SYNM: variants seen among roughly 807,000 people sequenced by gnomAD.
SYNM encodes the protein desmuslin.
In SYNM, 95 loss-of-function variants were observed where a neutral mutation model predicts 104.0. The ratio of observed to expected loss-of-function variants is 0.91; its 90% CI spans 0.77 to 1.08. The LOEUF (loss-of-function observed/expected upper bound fraction) is 1.08, where lower values mean the gene tolerates loss of function less well. Ranked by LOEUF, SYNM falls within the 50% of genes least tolerant of loss-of-function variation. The probability of loss-of-function intolerance (pLI) is 0.00; values close to 1 mark genes in which losing one functional copy is unlikely to be tolerated. For synonymous variants in SYNM, 918 were observed against 869.0 expected (o/e 1.06, Z -0.99); for missense variants, 2,150 against 2,052.2 (o/e 1.05, Z -0.92).
downstream of SYNM, chr15:99,139,031 G>A (rs559224052): frequency 1.6e-4 from 72 of 462,202 alleles, 1 homozygote; most frequent in Non-Finnish European, 2.2e-4. Flanking sequence ...AGGGATTCCC[G>A]GGGCCCTCCC....
chr15:99,115,228 C>T (rs8041213), intron 2 of SYNM, among the ~76,000 whole-genome samples: 64,877 of 151,784 alleles, frequency 0.43, 14,450 homozygotes, highest in Middle Eastern at 0.55. Context: ...CTGTGGAAAC[C>T]GCTTTGGCAG....
At chr15:99,110,268 T>A (rs2067289660) in intron 1 of SYNM, among the ~76,000 whole-genome samples, 1 of 152,242 alleles carries the variant, frequency 6.6e-6, no homozygotes, top group Non-Finnish European at 1.5e-5. Context: ...GCACACTAAA[T>A]GCTCAACGGC....
Position 99,105,157 on chromosome 15 carries a change from G to C in SYNM, c.-43G>C, listed in dbSNP as rs969921255. The C allele has an allele frequency of 6.4e-7, 1 of 1,552,436 alleles. No homozygotes were observed. Among genetic ancestry groups the C allele is most frequent in the African/African-American group, 1.4e-5 (1 of 73,368 alleles). On this transcript the variant is annotated 5_prime_UTR_variant, in exon 1 of 4. Coordinates refer to ENST00000336292, the MANE Select transcript of SYNM (RefSeq NM_145728.3). ...ACGAGACCGGGACAAGACCAGGGCA[G>C]GAGGGAGCCGGCCAGCCGCGAGAAC...
In SYNM at chr15:99,105,176, C is replaced by T. The variant is rs532969217; in HGVS notation, c.-24C>T. ...AGGGCAGGAGGGAGCCGGCCAGCCG[C>T]GAGAACCCCGCACGCCCGGCAAGAT... On this transcript the variant is annotated 5_prime_UTR_variant, in exon 1 of 4. Coordinates refer to ENST00000336292, the MANE Select transcript of SYNM (RefSeq NM_145728.3). The T allele has an allele frequency of 8.9e-6, 14 of 1,565,548 alleles. No homozygotes were observed. The highest frequency in any genetic ancestry group is 1.8e-5 in the Admixed American group (1 of 54,240).
In SYNM at chr15:99,131,081, GA is replaced by G. The variant is rs782376702; in HGVS notation, c.2724del (p.Glu909AsnfsTer29). 1 of 1,605,202 alleles carries G rather than the reference GA, an allele frequency of 6.2e-7. No homozygotes were observed. Among genetic ancestry groups the G allele is most frequent in the South Asian group, 1.1e-5 (1 of 89,664 alleles). Reference sequence around the variant, plus strand: ...AGGGGGACCTGGGTTCCACTCACTGGAAAGAACAAGCTAGAAGCGGTGAATT... The same window carrying G: ...AGGGGGACCTGGGTTCCACTCACTGGAAGAACAAGCTAGAAGCGGTGAATT... Reference protein sequence around the residue: ...LEGDLGSTHWKEQARSGEFHA... With the variant: ...LEGDLGSTHWXEQARSGEFHA... On this transcript the variant is annotated frameshift_variant, in exon 4 of 4. Transcript: ENST00000336292. LOFTEE classifies it high-confidence loss of function. This position sits in a 1 kb window ranked among gnomAD's most constrained non-coding sequence, Gnocchi z 4.3.
At chr15:99,106,268 C>A (rs566235991) in intron 1 of SYNM, among the ~76,000 whole-genome samples, 2 of 152,318 alleles carry the variant, frequency 1.3e-5, no homozygotes, top group African/African-American at 4.8e-5. Context: ...GCTGCTTTAA[C>A]TCTTGACAAG....
Position 99,132,040 on chromosome 15 carries a change from A to G in SYNM, c.3680A>G (p.Gln1227Arg). Residue 1227 changes from glutamine (Q) to arginine (R), a missense_variant, in exon 4 of 4, where the codon CAA (glutamine) becomes CGA (arginine). Transcript: ENST00000336292. ...AGGCACAGCACATTTGGCTGCAGAC[A>G]ATTTCATGCTGAAAAGGAGATTATT... ...SGRHSTFGCR[Q>R]FHAEKEIIFQ... 2.5e-6 allele frequency: 4 copies of G among 1,613,974 alleles called. No homozygotes were observed. Among genetic ancestry groups the G allele is most frequent in the Non-Finnish European group, 3.4e-6 (4 of 1,179,906 alleles).
chr15:99,113,165 A>C (rs79070465), intron 1 of SYNM, among the ~76,000 whole-genome samples: 1,813 of 152,304 alleles, frequency 0.012, 29 homozygotes, highest in East Asian at 0.052. Context: ...TGGGGAGTAC[A>C]TTTCAGTTCA....
At chr15:99,110,087 T>C (rs930730376) in intron 1 of SYNM, among the ~76,000 whole-genome samples, 8 of 152,174 alleles carry the variant, frequency 5.3e-5, no homozygotes, top group Non-Finnish European at 1.0e-4. Context: ...GAGGGGCCCC[T>C]GCGTTCAAGT....
chr15:99,131,683 C>T lies in SYNM; in HGVS notation c.3323C>T (p.Pro1108Leu), dbSNP rs1274092656. Residue 1108 changes from proline to leucine, a missense_variant, in exon 4 of 4, where the codon CCC (proline) becomes CTC (leucine). Coordinates refer to ENST00000336292, the MANE Select transcript of SYNM (RefSeq NM_145728.3). This position sits in a 1 kb window ranked among gnomAD's most constrained non-coding sequence, Gnocchi z 4.3. ...TCGGCCACTGTGGAGGTCAGCAGCC[C>T]CACAGGCTTTGCCCAGTCACAGGTG... ...PVSATVEVSS[P>L]TGFAQSQVLE... The T allele has an allele frequency of 6.2e-7, 1 of 1,613,022 alleles. No individual in the cohort carries two copies. The highest frequency in any genetic ancestry group is 2.2e-5 in the East Asian group (1 of 44,872).
chr15:99,139,831 C>T (rs782482259), downstream of SYNM: 24 of 1,056,326 alleles, frequency 2.3e-5, no homozygotes, highest in Non-Finnish European at 2.8e-5. Flanking sequence ...ATACTCTTGA[C>T]TACACAGCAA....
At chr15:99,139,305 A>G (rs781804812), downstream of SYNM, 31 of 1,610,234 alleles carry the variant, frequency 1.9e-5, no homozygotes, top group Non-Finnish European at 2.5e-5. Flanking sequence ...AGTGTGAGGG[A>G]CGCCAACTCA....
At chr15:99,140,066 A>T (rs2068050825), downstream of SYNM, 1 of 208,996 alleles carries the variant, frequency 4.8e-6, no homozygotes, top group South Asian at 8.0e-5. Context: ...ACTGAATGCC[A>T]AAGACCCTTT....
At chr15:99,122,092 G>A (rs2067406725) in intron 2 of SYNM, among the ~76,000 whole-genome samples, 1 of 152,178 alleles carries the variant, frequency 6.6e-6, no homozygotes, top group East Asian at 1.9e-4. Flanking sequence ...TACTGCCTGG[G>A]GCCTTTCAGG....
intron 1 of SYNM, among the ~76,000 whole-genome samples, chr15:99,107,530 T>C (rs1199937378): frequency 6.6e-6 from 1 of 152,238 alleles, no homozygotes; most frequent in Non-Finnish European, 1.5e-5. Context: ...AGCCACGCTG[T>C]GTGGACCAAA....
intron 1 of SYNM, among the ~76,000 whole-genome samples, chr15:99,108,882 A>G (rs1334074960): frequency 2.0e-5 from 3 of 152,258 alleles, no homozygotes; most frequent in South Asian, 2.1e-4. Flanking sequence ...CCTAAGGGCT[A>G]GCCCGAGGTA....
chr15:99,122,116 A>T (rs1160524648), intron 2 of SYNM, among the ~76,000 whole-genome samples: 1 of 152,256 alleles, frequency 6.6e-6, no homozygotes, highest in Non-Finnish European at 1.5e-5. Flanking sequence ...AAGTCCTTTT[A>T]AAAGGTTAGG....
chr15:99,106,014 G>C lies in SYNM; in HGVS notation c.810+5G>C. 1 of 1,444,636 alleles carries C rather than the reference G, an allele frequency of 6.9e-7. No individual in the cohort carries two copies. Among genetic ancestry groups the C allele is most frequent in the Non-Finnish European group, 9.1e-7 (1 of 1,104,318 alleles). 89.5% of individuals were successfully genotyped at this position (1,444,636 alleles called of 1,614,324 possible). ...ATACAGGCCGAGGAGCGGCAGGTCC[G>C]TGCGCGGGGATGGCGCGCTGACCCC... On this transcript the variant is annotated splice_donor_5th_base_variant and intron_variant, in intron 1 of 3. Transcript: ENST00000336292.
chr15:99,105,908 C>T lies in SYNM; in HGVS notation c.709C>T (p.Leu237=), dbSNP rs2151796383. The T allele has an allele frequency of 1.3e-6, 2 of 1,533,352 alleles. No individual in the cohort carries two copies. The highest frequency in any genetic ancestry group is 1.7e-6 in the Non-Finnish European group (2 of 1,144,462). The allele number at this position is 1,533,352 out of a possible 1,614,324, so 95.0% of individuals were successfully genotyped here. Residue 237 remains leucine, a synonymous_variant, in exon 1 of 4, where the codon CTG becomes TTG. Coordinates refer to ENST00000336292, the MANE Select transcript of SYNM (RefSeq NM_145728.3). ...GCTGTGCGCGCAGGAGGCAGAGGCGCTGCGGCGCGAGGCGCTCGGGTTGGA... is the reference window on the plus strand; with the variant it reads ...GCTGTGCGCGCAGGAGGCAGAGGCGTTGCGGCGCGAGGCGCTCGGGTTGGA... ...TRLCAQEAEA[L]RREALGLEQL...
Sources: gnomAD v4.1 joint callset for allele counts (sites outside exome capture counted in the v4.1 genomes callset) on GRCh38, gnomAD v4.1.1 for gene constraint, Gnocchi (gnomAD v3.1) non-coding constraint, MANE v1.5 for transcripts, NCBI Gene and HGNC (gene_info 2026-07-23, HGNC 2026-07-21) for gene names.